Variants in LAMB1 observed in about 807,000 individuals in gnomAD.
LAMB1 encodes the protein laminin subunit beta-1.
Under a neutral mutation model 222.3 loss-of-function variants are expected in LAMB1, and 121 were observed. That is an observed-to-expected ratio of 0.54 (90% confidence interval 0.47 to 0.63). The LOEUF is 0.63. Among genes scored for constraint, LAMB1 ranks in the 30% least tolerant of loss-of-function variants. The pLI is 0.00. For missense variants in LAMB1, 2,172 were observed against 2,240.8 expected, an observed-to-expected ratio of 0.97 and a Z score of 0.62; for synonymous variants, 794 against 807.2, an observed-to-expected ratio of 0.98 and a Z score of 0.28.
intron 3 of LAMB1, among the ~76,000 whole-genome samples, chr7:107,999,113 G>C (rs941137711): frequency 6.6e-6 from 1 of 152,208 alleles, no homozygotes; most frequent in Non-Finnish European, 1.5e-5. Context: ...ACGCCATGTT[G>C]GGCCCACTAT....
chr7:107,937,511 G>C (rs1562977696), intron 25 of LAMB1, among the ~76,000 whole-genome samples: 1 of 152,206 alleles, frequency 6.6e-6, no homozygotes, highest in African/African-American at 2.4e-5. Flanking sequence ...ACTCAGCTGA[G>C]TTGTGGCAGA....
rs1428090045 is a variant in LAMB1 at position 107,926,218 on chromosome 7, A to G, written c.5029T>C (p.Tyr1677His). 2 of 1,613,940 alleles carry G rather than the reference A, an allele frequency of 1.2e-6. No individual in the cohort carries two copies. The highest frequency in any genetic ancestry group is 1.7e-6 in the Non-Finnish European group (2 of 1,179,816). ...GEAEYIEKVV[Y>H]TVKQSAEDVK... is the part of the protein sequence containing the mutation. ...TCTTCTGCACTTTGCTTCACAGTAT[A>G]TACTACTTTTTCAATATATTCTGCC... The change falls in exon 32 of 34, where the codon TAT (tyrosine) becomes CAT (histidine). Residue 1677 changes from tyrosine (Y) to histidine (H), a missense_variant. Tyr to His is a moderately conservative substitution (Grantham distance 83). Transcript: ENST00000222399.
chr7:108,001,500 T>G, intron 3 of LAMB1, 58 bp downstream of exon 3: 1 of 1,500,508 alleles, frequency 6.7e-7, no homozygotes, highest in Non-Finnish European at 9.0e-7. Flanking sequence ...GGCCTGCCCC[T>G]TAGGTCTGGA....
intron 8 of LAMB1, among the ~76,000 whole-genome samples, chr7:107,979,063 G>T (rs2150441854): frequency 6.6e-6 from 1 of 152,322 alleles, no homozygotes; most frequent in Middle Eastern, 3.4e-3. Flanking sequence ...CTGAAAACCA[G>T]TTCCAAAGCA....
intron 26 of LAMB1, 96 bp downstream of exon 26, chr7:107,936,997 A>G (rs2032862737): frequency 4.8e-6 from 5 of 1,042,736 alleles, no homozygotes; most frequent in Non-Finnish European, 6.9e-6. Flanking sequence ...AAAATTTATT[A>G]GAAAACTTTT....
intron 26 of LAMB1, 78 bp downstream of exon 26, chr7:107,937,015 C>A: frequency 8.3e-7 from 1 of 1,205,296 alleles, no homozygotes; most frequent in Non-Finnish European, 1.2e-6. Flanking sequence ...TTTTTTTTTC[C>A]CCAAAAGTGC....
chr7:107,951,466 T>C, intron 23 of LAMB1, 144 bp from the exon 24 acceptor site: 1 of 682,046 alleles, frequency 1.5e-6, no homozygotes, highest in Non-Finnish European at 2.5e-6. Flanking sequence ...GACTCCCACT[T>C]CAATCGTAGG....
intron 2 of LAMB1, 37 bp from the exon 3 acceptor site, chr7:108,001,770 A>G (rs1201586019): frequency 6.2e-7 from 1 of 1,607,324 alleles, no homozygotes. Flanking sequence ...GGGGGGACAC[A>G]AGCAGGGAGT....
intron 27 of LAMB1, among the ~76,000 whole-genome samples, chr7:107,933,215 AG>A (rs1165642723): frequency 2.6e-5 from 4 of 152,242 alleles, no homozygotes; most frequent in African/African-American, 9.6e-5. Flanking sequence ...AAGGCTGAGC[AG>A]GGAGAAAATT....
At position 108,002,934 on chromosome 7, in the gene LAMB1, C is replaced by T. The variant is rs1352140930; in HGVS notation, c.-49G>A. On this transcript the variant is annotated 5_prime_UTR_variant, in exon 2 of 34. Transcript: ENST00000222399. The stretch of plus-strand genomic sequence containing the variant: ...ACGCGGCAGAGGAGTGGAGAAGACG[C>T]CCGCCGAGCCGCCTGCCCTTTCTTC... 6.2e-7 allele frequency: 1 copy of T among 1,611,040 alleles called. No homozygotes were observed. The highest frequency in any genetic ancestry group is 2.2e-5 in the East Asian group (1 of 44,766).
At chr7:107,963,441 G>A (rs1023469779) in intron 14 of LAMB1, among the ~76,000 whole-genome samples, 8 of 152,186 alleles carry the variant, frequency 5.3e-5, no homozygotes, top group African/African-American at 1.2e-4. Flanking sequence ...CCAGTATCTA[G>A]TGGATTTCTG....
chr7:107,964,876 C>A (rs763899906), intron 13 of LAMB1, among the ~76,000 whole-genome samples, 189 bp from the exon 14 acceptor site: 1 of 152,224 alleles, frequency 6.6e-6, no homozygotes, highest in African/African-American at 2.4e-5. Flanking sequence ...AGAAGCGTGG[C>A]TGAGAACCTG....
intron 31 of LAMB1, among the ~76,000 whole-genome samples, chr7:107,927,939 G>T (rs2032603251): frequency 6.6e-6 from 1 of 152,160 alleles, no homozygotes; most frequent in Non-Finnish European, 1.5e-5. Flanking sequence ...TGGAGGATTG[G>T]CCTGAGAAGG....
At chr7:107,970,642 C>A (rs1265147899) in intron 13 of LAMB1, among the ~76,000 whole-genome samples, 2 of 151,986 alleles carry the variant, frequency 1.3e-5, no homozygotes, top group Non-Finnish European at 2.9e-5. Flanking sequence ...GCAACCAATG[C>A]CAATTCTTTT....
intron 26 of LAMB1, chr7:107,936,343 C>G (rs766780794): frequency 3.9e-5 from 6 of 151,948 alleles, no homozygotes; most frequent in Non-Finnish European, 8.8e-5. Context: ...GAGTTCAAGA[C>G]CAGCCTGAGC....
chr7:107,962,845 A>G (rs1442680380), intron 15 of LAMB1, 60 bp downstream of exon 15: 7 of 1,406,862 alleles, frequency 5.0e-6, no homozygotes, highest in Middle Eastern at 1.9e-4. Context: ...CATTAGAAGT[A>G]CTATTTTTCT....
At chr7:107,933,369 CTATT>C (rs1400479630) in intron 27 of LAMB1, among the ~76,000 whole-genome samples, 3 of 152,160 alleles carry the variant, frequency 2.0e-5, no homozygotes, top group East Asian at 1.9e-4. Context: ...ATACAATCAA[CTATT>C]TAGCCTAATA....
intron 10 of LAMB1, 89 bp from the exon 11 acceptor site, chr7:107,975,502 A>G (rs1319932895): frequency 7.3e-7 from 1 of 1,365,216 alleles, no homozygotes; most frequent in African/African-American, 1.5e-5. Flanking sequence ...CTCCCTCTAA[A>G]TCTCACAAAA....
intron 31 of LAMB1, among the ~76,000 whole-genome samples, chr7:107,926,713 A>G (rs978604135): frequency 1.3e-5 from 2 of 152,190 alleles, no homozygotes; most frequent in Non-Finnish European, 2.9e-5. Flanking sequence ...AACATTCACA[A>G]ATAAGCAGCT....
Sources: gnomAD v4.1 joint callset for allele counts (sites outside exome capture counted in the v4.1 genomes callset) on GRCh38, gnomAD v4.1.1 for gene constraint, MANE v1.5 for transcripts, NCBI Gene and HGNC (gene_info 2026-07-23, HGNC 2026-07-21) for gene names.